The following RAP1GAP2 variants were observed in gnomAD, a reference collection of about 807,000 sequenced individuals.
RAP1GAP2 encodes rap1 GTPase-activating protein 2.
In RAP1GAP2, 27 loss-of-function variants were observed where a neutral mutation model predicts 95.0. The observed-to-expected ratio is 0.28, with a 90% CI of 0.21 to 0.39. The LOEUF (loss-of-function observed/expected upper bound fraction) is 0.39, where lower values mean the gene tolerates loss of function less well. RAP1GAP2 is among the 10% of genes least tolerant of loss of function. The pLI is 1.00. For synonymous variants in RAP1GAP2, 373 were observed against 380.9 expected (o/e 0.98, Z 0.24); for missense variants, 771 against 970.0 (o/e 0.79, Z 2.72).
intron 2 of RAP1GAP2, among the ~76,000 whole-genome samples, chr17:2,810,523 T>C (rs1257146235): frequency 2.8e-4 from 13 of 46,504 alleles, no homozygotes; most frequent in African/African-American, 9.0e-4. Flanking sequence ...CCCCCCACCC[T>C]TTTTTTTTTT....
Position 3,029,720 on chromosome 17 carries a change from C to T in RAP1GAP2, c.2108-1202C>T, listed in dbSNP as rs1206107487. ...TGCACTAAGCTTTCCATACCCTCGG[C>T]CAGAGGACAGCCAGAAAGTCAAGTG... On this transcript the variant is annotated intron_variant, in intron 22 of 24. Coordinates refer to ENST00000254695, the MANE Select transcript of RAP1GAP2 (RefSeq NM_015085.5). The surrounding 1 kb of genome is among the most constrained non-coding windows in gnomAD (Gnocchi z 4.4). Among the ~76,000 whole-genome samples the T allele has an allele frequency of 2.0e-5, 3 of 152,230 alleles. No homozygotes were observed. The East Asian group carries it at 5.8e-4, about 29-fold the overall frequency.
At chr17:2,803,560 T>TG (rs1276969105) in intron 2 of RAP1GAP2, among the ~76,000 whole-genome samples, 2 of 152,200 alleles carry the variant, frequency 1.3e-5, no homozygotes, top group African/African-American at 4.8e-5. Context: ...AGAACAAAGT[T>TG]GGTGCACTCA....
At position 2,825,566 on chromosome 17, in the gene RAP1GAP2, G is replaced by C. The variant is rs2070510350; in HGVS notation, c.80+25016G>C. On this transcript the variant is annotated intron_variant, in intron 2 of 24. Coordinates refer to ENST00000254695, the MANE Select transcript of RAP1GAP2 (RefSeq NM_015085.5). The surrounding 1 kb of genome is among the most constrained non-coding windows in gnomAD (Gnocchi z 4.1). The stretch of plus-strand genomic sequence containing the variant: ...ATCCTGGCTCTGCCACTCACTGCTG[G>C]GGTTACCTTGGGCAACCGTCTGAAC... 1.3e-5 allele frequency among the ~76,000 whole-genome samples: 2 copies of C among 152,062 alleles called. No individual in the cohort carries two copies. Among genetic ancestry groups the C allele is most frequent in the African/African-American group, 2.4e-5 (1 of 41,406 alleles).
At position 2,837,316 on chromosome 17, in the gene RAP1GAP2, C is replaced by A. The variant is rs544339466; in HGVS notation, c.80+36766C>A. Among the ~76,000 whole-genome samples, 7 of 151,330 alleles carry A rather than the reference C, an allele frequency of 4.6e-5. No individual in the cohort carries two copies. In the East Asian group the frequency reaches 1.4e-3, roughly 30 times the overall value. Reference sequence around the variant, plus strand: ...TGGCCAAGCCTGCATCGTGTACCTACCCCAAAGCTCAGGCTGGGTAGGTTG... The same window carrying A: ...TGGCCAAGCCTGCATCGTGTACCTAACCCAAAGCTCAGGCTGGGTAGGTTG... On this transcript the variant is annotated intron_variant, in intron 2 of 24. Coordinates refer to ENST00000254695, the MANE Select transcript of RAP1GAP2 (RefSeq NM_015085.5).
Position 2,870,622 on chromosome 17 carries a change from C to T in RAP1GAP2, c.81-34662C>T, listed in dbSNP as rs914675460. Among the ~76,000 whole-genome samples, 4 of 152,082 alleles carry T rather than the reference C, an allele frequency of 2.6e-5. No individual in the cohort carries two copies. Among genetic ancestry groups the T allele is most frequent in the African/African-American group, 9.7e-5 (4 of 41,400 alleles). On this transcript the variant is annotated intron_variant, in intron 2 of 24. Coordinates refer to ENST00000254695, the MANE Select transcript of RAP1GAP2 (RefSeq NM_015085.5). This position sits in a 1 kb window ranked among gnomAD's most constrained non-coding sequence, Gnocchi z 4.4. Reference sequence around the variant, plus strand: ...AAAGCACACCCTTTCACGTAATATACTTACATCTGCATCTACGTCTGTTTC... The same window carrying T: ...AAAGCACACCCTTTCACGTAATATATTTACATCTGCATCTACGTCTGTTTC...
chr17:2,896,850 C>T (rs759576024), intron 2 of RAP1GAP2, among the ~76,000 whole-genome samples: 15 of 152,300 alleles, frequency 9.8e-5, no homozygotes, highest in Admixed American at 3.3e-4. Flanking sequence ...GAGTCTGGCC[C>T]GGGCCTCCCC....
At chr17:2,755,680 G>C, upstream of RAP1GAP2, 2 of 292,724 alleles carry the variant, frequency 6.8e-6, no homozygotes, top group Admixed American at 1.0e-4. Flanking sequence ...CTCCTCCACC[G>C]TGCGGCCCGC....
rs1313544549 is a variant in RAP1GAP2 at position 2,987,827 on chromosome 17, T to A, written c.813+2761T>A. 2.6e-5 allele frequency among the ~76,000 whole-genome samples: 4 copies of A among 152,210 alleles called. No homozygotes were observed. In the South Asian group the frequency reaches 6.2e-4, roughly 24 times the overall value. ...TGAAGGCATGGAGCCCAAGTTCTGC[T>A]TTTTGTTGTTATTGTTACAATTACC... is the stretch of plus-strand genomic sequence containing the variant. On this transcript the variant is annotated intron_variant, in intron 11 of 24. Coordinates refer to ENST00000254695, the MANE Select transcript of RAP1GAP2 (RefSeq NM_015085.5).
At chr17:2,982,421 G>A (rs2045398469) in intron 10 of RAP1GAP2, among the ~76,000 whole-genome samples, 1 of 152,232 alleles carries the variant, frequency 6.6e-6, no homozygotes, top group Non-Finnish European at 1.5e-5. Flanking sequence ...ACAGGCGTGA[G>A]CCACCTCGCC....
intron 4 of RAP1GAP2, among the ~76,000 whole-genome samples, chr17:2,962,063 C>T (rs2044358715): frequency 6.6e-6 from 1 of 152,032 alleles, no homozygotes; most frequent in Non-Finnish European, 1.5e-5. Flanking sequence ...CCACCACGCC[C>T]AGCTAATTTT....
intron 17 of RAP1GAP2, among the ~76,000 whole-genome samples, chr17:3,013,584 A>G (rs1248603238): frequency 1.4e-5 from 2 of 146,652 alleles, no homozygotes; most frequent in East Asian, 2.0e-4. Flanking sequence ...TTGAGGAGCC[A>G]GTGTCCTCCC....
chr17:2,806,644 G>A (rs1190513042), intron 2 of RAP1GAP2, among the ~76,000 whole-genome samples: 1 of 151,490 alleles, frequency 6.6e-6, no homozygotes, highest in African/African-American at 2.4e-5. Context: ...TGATCCACTT[G>A]TCTCGGCCTC....
At chr17:2,783,962 T>G (rs2068713856) in intron 1 of RAP1GAP2, among the ~76,000 whole-genome samples, 1 of 152,102 alleles carries the variant, frequency 6.6e-6, no homozygotes, top group South Asian at 2.1e-4. Context: ...GGAAGCTATT[T>G]CACTTTTTAT....
At chr17:2,907,963 C>T (rs745516114) in intron 3 of RAP1GAP2, among the ~76,000 whole-genome samples, 4 of 152,088 alleles carry the variant, frequency 2.6e-5, no homozygotes, top group African/African-American at 4.8e-5. Context: ...CGTGCCACCA[C>T]GCCTGGCTAA....
intron 2 of RAP1GAP2, among the ~76,000 whole-genome samples, chr17:2,897,079 A>G (rs888936825): frequency 1.3e-5 from 2 of 152,182 alleles, no homozygotes; most frequent in African/African-American, 4.8e-5. Context: ...GCTCACGCCT[A>G]TAATCCCAGC....
chr17:3,026,932 C>T lies in RAP1GAP2; in HGVS notation c.1981-12C>T, dbSNP rs2047137932. 2.6e-6 allele frequency: 4 copies of T among 1,549,866 alleles called. No individual in the cohort carries two copies. In the South Asian group the frequency reaches 3.6e-5, roughly 14 times the overall value. On this transcript the variant is annotated splice_polypyrimidine_tract_variant and intron_variant, in intron 21 of 24. Coordinates refer to ENST00000254695, the MANE Select transcript of RAP1GAP2 (RefSeq NM_015085.5). Reference sequence around the variant, plus strand: ...GGTGGGCTGGCCTCGCTCACCCTGCCTCTCTCCTCAGGGCAGCCAGCCGTC... The same window carrying T: ...GGTGGGCTGGCCTCGCTCACCCTGCTTCTCTCCTCAGGGCAGCCAGCCGTC...
chr17:2,816,982 C>CTTTT, intron 2 of RAP1GAP2, among the ~76,000 whole-genome samples: 1 of 48,662 alleles, frequency 2.1e-5, no homozygotes, highest in Non-Finnish European at 4.4e-5. Context: ...TCAGAATTTC[C>CTTTT]TTTTTTTTTT....
At chr17:2,770,477 T>C (rs2068368886) in intron 2 of RAP1GAP2, 7 of 398,696 alleles carry the variant, frequency 1.8e-5, no homozygotes, top group Non-Finnish European at 3.1e-5. Context: ...ACCCTCACAT[T>C]CTTTGGCCTC....
intron 2 of RAP1GAP2, among the ~76,000 whole-genome samples, chr17:2,890,013 C>T (rs908706624): frequency 1.3e-5 from 2 of 150,874 alleles, no homozygotes; most frequent in African/African-American, 2.4e-5. Context: ...TGTGAGCCCC[C>T]GCACTGGCCT....
Sources: gnomAD v4.1 joint callset for allele counts (sites outside exome capture counted in the v4.1 genomes callset) on GRCh38, gnomAD v4.1.1 for gene constraint, Gnocchi (gnomAD v3.1) non-coding constraint, MANE v1.5 for transcripts, NCBI Gene and HGNC (gene_info 2026-07-23, HGNC 2026-07-21) for gene names.